TAFA1: variants seen among roughly 807,000 people sequenced by gnomAD.
The protein encoded by TAFA1 is chemokine-like protein TAFA-1.
A neutral mutation model predicts 18.5 loss-of-function variants in TAFA1; 4 were observed. That is an observed-to-expected ratio of 0.22 (90% CI 0.11 to 0.49). The LOEUF (loss-of-function observed/expected upper bound fraction) is 0.49. Among genes scored for constraint, TAFA1 ranks in the 20% least tolerant of loss-of-function variants. TAFA1 has a pLI of 0.98. For synonymous variants in TAFA1, 56 were observed against 55.2 expected, an observed-to-expected ratio of 1.01 and a Z score of -0.06; for missense variants, 147 against 169.0, an observed-to-expected ratio of 0.87 and a Z score of 0.72.
chr3:68,174,425 C>A lies in TAFA1; in HGVS notation c.118+167681C>A, dbSNP rs552321517. Among the ~76,000 whole-genome samples, 8 of 152,094 alleles carry A rather than the reference C, an allele frequency of 5.3e-5. No individual in the cohort carries two copies. In the South Asian group the frequency reaches 1.5e-3, roughly 28 times the overall value. On this transcript the variant is annotated intron_variant, in intron 2 of 4. Coordinates refer to ENST00000478136, the MANE Select transcript of TAFA1 (RefSeq NM_213609.4). ...AACTTCCTGGAGACTTGTTGAATGA[C>A]TTTGACAAAAATGCTGATAGTGACA...
intron 2 of TAFA1, among the ~76,000 whole-genome samples, chr3:68,048,076 A>G (rs73837262): frequency 0.016 from 2,451 of 152,158 alleles, 73 homozygotes; most frequent in African/African-American, 0.056. Flanking sequence ...AAACCCCAGA[A>G]CTGCCTGTTT....
intron 3 of TAFA1, among the ~76,000 whole-genome samples, chr3:68,486,749 A>T (rs1349116265): frequency 6.6e-6 from 1 of 152,200 alleles, no homozygotes; most frequent in Non-Finnish European, 1.5e-5. Flanking sequence ...TAAAAAGGTA[A>T]GCATTCAGTT....
intron 2 of TAFA1, among the ~76,000 whole-genome samples, chr3:68,162,133 C>T (rs1298342004): frequency 6.6e-6 from 1 of 152,078 alleles, no homozygotes; most frequent in Non-Finnish European, 1.5e-5. Flanking sequence ...TAATAAATAG[C>T]AGAAGAGGGC....
At chr3:68,420,967 T>A (rs896412511) in intron 3 of TAFA1, among the ~76,000 whole-genome samples, 2 of 152,134 alleles carry the variant, frequency 1.3e-5, no homozygotes, top group Admixed American at 6.5e-5. Context: ...ACCATGATGG[T>A]TTCTCATGTT....
At chr3:68,249,046 C>T (rs1216864301) in intron 2 of TAFA1, among the ~76,000 whole-genome samples, 2 of 152,088 alleles carry the variant, frequency 1.3e-5, no homozygotes, top group Non-Finnish European at 2.9e-5. Flanking sequence ...GTCTCTTCTT[C>T]AGCCTCTTGA....
intron 2 of TAFA1, among the ~76,000 whole-genome samples, chr3:68,416,823 T>C (rs2070847085): frequency 6.6e-6 from 1 of 152,052 alleles, no homozygotes; most frequent in Non-Finnish European, 1.5e-5. Flanking sequence ...CCCTTGAGAG[T>C]AGGCAGGCAA....
At chr3:68,091,754 C>A (rs1176582066) in intron 2 of TAFA1, among the ~76,000 whole-genome samples, 1 of 152,106 alleles carries the variant, frequency 6.6e-6, no homozygotes, top group Non-Finnish European at 1.5e-5. Flanking sequence ...CTGGCTAACC[C>A]AAACGATTTC....
intron 2 of TAFA1, among the ~76,000 whole-genome samples, chr3:68,277,499 A>G (rs1367069754): frequency 2.6e-5 from 4 of 151,584 alleles, no homozygotes; most frequent in Admixed American, 6.6e-5. Flanking sequence ...AAGCCAAAGG[A>G]AAAAAAAAGG....
rs148783605 is a variant in TAFA1 at position 68,365,912 on chromosome 3, G to C, written c.119-51368G>C. ...ACCAACCAGCCAACATAGTGAAACT[G>C]TGTCTCTACTAAAAATACAAAAATT... On this transcript the variant is annotated intron_variant, in intron 2 of 4. Transcript: ENST00000478136. 2.3e-3 allele frequency among the ~76,000 whole-genome samples: 351 copies of C among 151,824 alleles called. 5 individuals are homozygous for C. Among genetic ancestry groups the C allele is most frequent in the African/African-American group, 8.1e-3 (336 of 41,428 alleles).
intron 2 of TAFA1, among the ~76,000 whole-genome samples, chr3:68,175,068 G>A (rs531713391): frequency 8.7e-4 from 133 of 152,358 alleles, no homozygotes; most frequent in Non-Finnish European, 1.3e-3. Flanking sequence ...CTTCCCCAAG[G>A]TGCTGAGCTT....
At chr3:68,154,838 G>A (rs2065848243) in intron 2 of TAFA1, among the ~76,000 whole-genome samples, 3 of 151,942 alleles carry the variant, frequency 2.0e-5, no homozygotes, top group South Asian at 4.2e-4. Context: ...TCTATTTTCT[G>A]CCCCCCACCA....
chr3:68,421,362 T>A (rs1329772977), intron 3 of TAFA1, among the ~76,000 whole-genome samples: 1 of 152,172 alleles, frequency 6.6e-6, no homozygotes, highest in Non-Finnish European at 1.5e-5. Flanking sequence ...AATCCTTCAA[T>A]CCATTGGCAT....
chr3:68,300,260 T>G (rs1418002766), intron 2 of TAFA1, among the ~76,000 whole-genome samples: 1 of 152,304 alleles, frequency 6.6e-6, no homozygotes, highest in Non-Finnish European at 1.5e-5. Context: ...AAGCATGACC[T>G]GGATGTGAGA....
At chr3:68,120,080 T>A (rs192476689) in intron 2 of TAFA1, among the ~76,000 whole-genome samples, 1 of 152,192 alleles carries the variant, frequency 6.6e-6, no homozygotes. Flanking sequence ...TAAAAAATAC[T>A]CAAGTGGTCC....
At chr3:68,290,026 C>A (rs978988416) in intron 2 of TAFA1, among the ~76,000 whole-genome samples, 12 of 152,150 alleles carry the variant, frequency 7.9e-5, no homozygotes, top group Non-Finnish European at 1.6e-4. Flanking sequence ...ACAAATATAA[C>A]CCAGATAATA....
intron 2 of TAFA1, among the ~76,000 whole-genome samples, chr3:68,336,202 C>T (rs1376004612): frequency 3.9e-5 from 6 of 152,212 alleles, no homozygotes; most frequent in Admixed American, 6.5e-5. Context: ...AGGCACCTAG[C>T]AGAGGGGTCC....
Position 68,175,422 on chromosome 3 carries a change from A to T in TAFA1, c.118+168678A>T, listed in dbSNP as rs182993745. Among the ~76,000 whole-genome samples the T allele has an allele frequency of 2.0e-5, 3 of 152,274 alleles. No homozygotes were observed. The East Asian group carries it at 5.8e-4, about 29-fold the overall frequency. ...CAGGAGGAAGTCTGTACCCTGCACAACCACAAGGGCGGAGTTGTCCAAGAC... is the reference window on the plus strand; with the variant it reads ...CAGGAGGAAGTCTGTACCCTGCACATCCACAAGGGCGGAGTTGTCCAAGAC... On this transcript the variant is annotated intron_variant, in intron 2 of 4. Transcript: ENST00000478136.
intron 3 of TAFA1, among the ~76,000 whole-genome samples, chr3:68,525,819 T>G (rs2073104323): frequency 6.6e-6 from 1 of 152,138 alleles, no homozygotes; most frequent in African/African-American, 2.4e-5. Context: ...AAGAGCACAA[T>G]GGTATTATAT....
intron 2 of TAFA1, among the ~76,000 whole-genome samples, chr3:68,172,568 A>G (rs1207477890): frequency 6.6e-6 from 1 of 152,210 alleles, no homozygotes; most frequent in East Asian, 1.9e-4. Flanking sequence ...AAAGCCTTGA[A>G]AATGTTTACA....
Sources: allele counts gnomAD v4.1 joint callset (sites outside exome capture counted in the v4.1 genomes callset), GRCh38; gene constraint gnomAD v4.1.1; transcripts MANE v1.5; gene names NCBI Gene and HGNC (gene_info 2026-07-23, HGNC 2026-07-21).